Variants in EHBP1L1 observed in about 807,000 individuals in gnomAD.
The protein encoded by EHBP1L1 is EH domain-binding protein 1-like protein 1.
A neutral mutation model predicts 151.1 loss-of-function variants in EHBP1L1; 122 were observed. That is an observed-to-expected ratio of 0.81 (90% CI 0.70 to 0.94). EHBP1L1 has a LOEUF of 0.94. EHBP1L1 is among the 40% of genes least tolerant of loss of function. The pLI is 0.00. For missense variants in EHBP1L1, 1,941 were observed against 1,959.8 expected, an observed-to-expected ratio of 0.99 and a Z score of 0.18; for synonymous variants, 878 against 810.1, an observed-to-expected ratio of 1.08 and a Z score of -1.42.
intron 16 of EHBP1L1, chr11:65,591,571 G>A (rs1027251022): frequency 3.3e-6 from 2 of 605,100 alleles, no homozygotes; most frequent in South Asian, 1.9e-5. Flanking sequence ...GGTCCTTCTG[G>A]GGGGTGTGTG....
At position 65,585,085 on chromosome 11, in the gene EHBP1L1, G is replaced by C. The variant is rs899288597; in HGVS notation, c.3427G>C (p.Gly1143Arg). 1.3e-6 allele frequency: 2 copies of C among 1,535,780 alleles called. No homozygotes were observed. Among genetic ancestry groups the C allele is most frequent in the Non-Finnish European group, 1.7e-6 (2 of 1,149,666 alleles). The change falls in exon 12 of 19, where the codon GGG becomes CGG. Residue 1143 changes from glycine to arginine, a missense_variant. Transcript: ENST00000309295. The surrounding 1 kb of genome is among the most constrained non-coding windows in gnomAD (Gnocchi z 4.0). The stretch of plus-strand genomic sequence containing the variant: ...GTGCCAGATCCGCGCCTTCTGCACC[G>C]GGCAGGAGCTGCAGCTGGTACAACT... ...YLCQIRAFCT[G>R]QELQLVQLEG...
rs1490568779 is a variant in EHBP1L1, at chr11:65,582,897, A to G, written c.2225A>G (p.Glu742Gly). The G allele has an allele frequency of 6.2e-7, 1 of 1,613,590 alleles. No individual in the cohort carries two copies. The highest frequency in any genetic ancestry group is 1.1e-5 in the South Asian group (1 of 91,072). The change falls in exon 9 of 19, where the codon GAG becomes GGG. Residue 742 changes from glutamate (E) to glycine (G), a missense_variant. Physicochemically the swap from Glu to Gly is moderately conservative, Grantham distance 98. Transcript: ENST00000309295. The part of the protein sequence containing the change: ...RDSGVREIEA[E>G]IAESDILVAQ... The stretch of plus-strand genomic sequence containing the variant: ...TCAGGGGTCAGAGAGATAGAAGCAG[A>G]GATAGCAGAGTCTGACATATTGGTA...
In EHBP1L1 at chr11:65,590,479, C is replaced by G; in HGVS notation, c.4184-14C>G. On this transcript the variant is annotated splice_polypyrimidine_tract_variant and intron_variant, in intron 15 of 18. Transcript: ENST00000309295. ...GCAGGGGGCAGGCCTGGTGACTGTC[C>G]CTGTCCAATGCAGGTGCCAACAAGC... is the stretch of plus-strand genomic sequence containing the variant. 6.2e-7 allele frequency: 1 copy of G among 1,612,038 alleles called. No individual in the cohort carries two copies. The highest frequency in any genetic ancestry group is 8.5e-7 in the Non-Finnish European group (1 of 1,179,532).
rs1236676415 is a variant in EHBP1L1 at position 65,582,413 on chromosome 11, G to T, written c.1741G>T (p.Val581Leu). 1 of 1,610,046 alleles carries T rather than the reference G, an allele frequency of 6.2e-7. No homozygotes were observed. Among genetic ancestry groups the T allele is most frequent in the East Asian group, 2.2e-5 (1 of 44,880 alleles). The part of the protein sequence containing the change: ...ETETEVVGLE[V>L]LGTQEKEVEG... Reference sequence around the variant, plus strand: ...AGAGACTGAGGTGGTAGGGTTGGAGGTGCTGGGAACCCAGGAGAAAGAAGT... The same window carrying T: ...AGAGACTGAGGTGGTAGGGTTGGAGTTGCTGGGAACCCAGGAGAAAGAAGT... The change falls in exon 9 of 19, where the codon GTG becomes TTG. Residue 581 changes from valine (V) to leucine (L), a missense_variant. Physicochemically the swap from Val to Leu is conservative, Grantham distance 32. Coordinates refer to ENST00000309295, the MANE Select transcript of EHBP1L1 (RefSeq NM_001099409.3).
At chr11:65,590,667 A>G in intron 16 of EHBP1L1, 75 bp downstream of exon 16, 1 of 1,240,840 alleles carries the variant, frequency 8.1e-7, no homozygotes. Flanking sequence ...CTACTTTCTT[A>G]TTCCTACAGA....
chr11:65,592,155 G>T, intron 18 of EHBP1L1, 48 bp from the exon 19 acceptor site: 1 of 1,607,034 alleles, frequency 6.2e-7, no homozygotes, highest in Middle Eastern at 1.7e-4. Context: ...AGAGGGCTGC[G>T]TGTGGACCCC....
chr11:65,584,019 C>T (rs1366036029), intron 9 of EHBP1L1: 80 of 1,409,928 alleles, frequency 5.7e-5, no homozygotes, highest in Non-Finnish European at 7.0e-5. Context: ...CTGCTGGTGA[C>T]CTCTGATCTT....
At position 65,580,460 on chromosome 11, in the gene EHBP1L1, G is replaced by C. The variant is rs760015767; in HGVS notation, c.615G>C (p.Arg205=). 4.3e-6 allele frequency: 7 copies of C among 1,612,722 alleles called. No individual in the cohort carries two copies. The highest frequency in any genetic ancestry group is 5.1e-6 in the Non-Finnish European group (6 of 1,179,810). ...ATGGCCCAGGAGCCCCGGAGGCCCG[G>C]GCTCGAGTCCCCCAGCCAGGTGGGC... ...EAHGPGAPEA[R]ARVPQPDPSR... Residue 205 remains arginine, a synonymous_variant, in exon 6 of 19, where the codon CGG becomes CGC. Coordinates refer to ENST00000309295, the MANE Select transcript of EHBP1L1 (RefSeq NM_001099409.3).
Position 65,581,975 on chromosome 11 carries a change from G to A in EHBP1L1, c.1303G>A (p.Val435Met), listed in dbSNP as rs761468079. The A allele has an allele frequency of 1.8e-5, 29 of 1,613,818 alleles. No individual in the cohort carries two copies. The highest frequency in any genetic ancestry group is 2.5e-5 in the Non-Finnish European group (29 of 1,179,848). ...DAEQRSKVRHVDTKGPEATGV... is the reference protein window; with the variant it reads ...DAEQRSKVRHMDTKGPEATGV... ...TGAGCAGAGGTCAAAGGTGAGACAT[G>A]TGGACACTAAGGGACCAGAGGCGAC... is the stretch of plus-strand genomic sequence containing the variant. The change falls in exon 9 of 19, where the codon GTG (valine) becomes ATG (methionine). Residue 435 changes from valine (V) to methionine (M), a missense_variant. Val to Met is a conservative substitution (Grantham distance 21). Transcript: ENST00000309295.
In EHBP1L1 at chr11:65,592,020, C is replaced by T; in HGVS notation, c.4402C>T (p.Leu1468=). The change falls in exon 18 of 19, where the codon CTG becomes TTG. Residue 1468 remains leucine, a synonymous_variant. Coordinates refer to ENST00000309295, the MANE Select transcript of EHBP1L1 (RefSeq NM_001099409.3). The part of the protein sequence containing the change: ...SAQQHREQLL[L]EELVSLVNQR... ...TCAGCAGCACCGAGAGCAGCTCCTACTGGAGGAGCTGGTGTCGCTGGTGAA... is the reference window on the plus strand; with the variant it reads ...TCAGCAGCACCGAGAGCAGCTCCTATTGGAGGAGCTGGTGTCGCTGGTGAA... 1 of 1,613,458 alleles carries T rather than the reference C, an allele frequency of 6.2e-7. No individual in the cohort carries two copies. The highest frequency in any genetic ancestry group is 8.5e-7 in the Non-Finnish European group (1 of 1,179,696).
At position 65,580,896 on chromosome 11, in the gene EHBP1L1, C is replaced by T. The variant is rs1590816973; in HGVS notation, c.635-162C>T. On this transcript the variant is annotated intron_variant, in intron 6 of 18. Transcript: ENST00000309295. Reference sequence around the variant, plus strand: ...CTGTTGAGGTTCTCTCTCTCTTTCTCTCCACATCTGTGGGCCTGTCTCTTC... The same window carrying T: ...CTGTTGAGGTTCTCTCTCTCTTTCTTTCCACATCTGTGGGCCTGTCTCTTC... The T allele has an allele frequency of 3.5e-6, 5 of 1,428,032 alleles. No individual in the cohort carries two copies. In the East Asian group the frequency reaches 1.0e-4, roughly 29 times the overall value. 88.5% of individuals were successfully genotyped at this position (1,428,032 alleles called of 1,614,324 possible). A position where few individuals can be genotyped will look rare whatever the true frequency, so the allele number is the denominator to read the frequency against.
rs769263671 is a variant in EHBP1L1 at position 65,585,578 on chromosome 11, G to A, written c.3920G>A (p.Gly1307Glu). The change falls in exon 12 of 19, where the codon GGA becomes GAA. Residue 1307 changes from glycine to glutamate, a missense_variant. By Grantham distance (98) the Gly-to-Glu change is moderately conservative (BLOSUM62 -2). Transcript: ENST00000309295. The surrounding 1 kb of genome is among the most constrained non-coding windows in gnomAD (Gnocchi z 4.0). ...SMDDPDAGAM[G>E]AAAAEGQAPD... ...GACGATCCGGACGCGGGAGCCATGG[G>A]AGCTGCGGCTGCAGTGAGTGTCAAG... is the stretch of plus-strand genomic sequence containing the variant. 6.3e-6 allele frequency: 10 copies of A among 1,578,960 alleles called. No individual in the cohort carries two copies. Among genetic ancestry groups the A allele is most frequent in the Non-Finnish European group, 7.7e-6 (9 of 1,170,150 alleles).
intron 1 of EHBP1L1, 84 bp from the exon 2 acceptor site, chr11:65,578,994 G>C: frequency 7.4e-7 from 1 of 1,343,410 alleles, no homozygotes. Flanking sequence ...AGGGAGCTGG[G>C]GGAGGAGGAA....
Position 65,580,201 on chromosome 11 carries a change from G to A in EHBP1L1, c.433G>A (p.Val145Met), listed in dbSNP as rs1357354774. 6.2e-7 allele frequency: 1 copy of A among 1,613,618 alleles called. No homozygotes were observed. The highest frequency in any genetic ancestry group is 8.5e-7 in the Non-Finnish European group (1 of 1,179,844). Residue 145 changes from valine to methionine, a missense_variant, in exon 5 of 19, where the codon GTG (valine) becomes ATG (methionine). By Grantham distance (21) the Val-to-Met change is conservative. Transcript: ENST00000309295. ...GCTGAAGCCAAAGTCAGTGAAGGTG[G>A]TGCAGGCTGAGCTGAGCCTCACTCT... Reference protein sequence around the residue: ...LRLKPKSVKVVQAELSLTLSG... With the variant: ...LRLKPKSVKVMQAELSLTLSG...
intron 2 of EHBP1L1, 30 bp from the exon 3 acceptor site, chr11:65,579,311 T>A: frequency 6.7e-7 from 1 of 1,487,970 alleles, no homozygotes; most frequent in Non-Finnish European, 9.0e-7. Flanking sequence ...AGAGTTAAGA[T>A]GGGGGGAGGA....
chr11:65,586,948 G>A (rs1048853818), intron 12 of EHBP1L1, among the ~76,000 whole-genome samples: 8 of 152,192 alleles, frequency 5.3e-5, no homozygotes, highest in Admixed American at 3.3e-4. Context: ...GGGCTGGAGG[G>A]GACTCCTCAT....
chr11:65,581,407 C>T, intron 8 of EHBP1L1, 34 bp downstream of exon 8: 3 of 1,500,546 alleles, frequency 2.0e-6, no homozygotes, highest in Non-Finnish European at 2.7e-6. Context: ...CCCCCATTGC[C>T]CCCTGATAGG....
At position 65,583,166 on chromosome 11, in the gene EHBP1L1, C is replaced by A. The variant is rs1188223341; in HGVS notation, c.2494C>A (p.Pro832Thr). Residue 832 changes from proline (P) to threonine (T), a missense_variant, in exon 9 of 19, where the codon CCA becomes ACA. Physicochemically the swap from Pro to Thr is conservative, Grantham distance 38. Coordinates refer to ENST00000309295, the MANE Select transcript of EHBP1L1 (RefSeq NM_001099409.3). Reference protein sequence around the residue: ...QEIASRSSGVPGLESEVAGAQ... With the variant: ...QEIASRSSGVTGLESEVAGAQ... ...GATAGCATCTAGGAGTTCAGGGGTC[C>A]CAGGGCTAGAATCTGAGGTAGCTGG... 9 of 1,612,810 alleles carry A rather than the reference C, an allele frequency of 5.6e-6. No individual in the cohort carries two copies. The highest frequency in any genetic ancestry group is 7.6e-6 in the Non-Finnish European group (9 of 1,179,636).
In EHBP1L1 at chr11:65,582,818, G is replaced by T. The variant is rs760880332; in HGVS notation, c.2146G>T (p.Ala716Ser). The T allele has an allele frequency of 1.9e-6, 3 of 1,613,590 alleles. No homozygotes were observed. In the South Asian group the frequency reaches 3.3e-5, roughly 18 times the overall value. ...VEASRVPESEAEGTEAKILGT... is the reference protein window; with the variant it reads ...VEASRVPESESEGTEAKILGT... Reference sequence around the variant, plus strand: ...AGCTTCTAGGGTACCAGAGTCAGAGGCTGAGGGGACAGAAGCTAAAATATT... The same window carrying T: ...AGCTTCTAGGGTACCAGAGTCAGAGTCTGAGGGGACAGAAGCTAAAATATT... Residue 716 changes from alanine (A) to serine (S), a missense_variant, in exon 9 of 19, where the codon GCT becomes TCT. Ala to Ser is a moderately conservative substitution (Grantham distance 99). Transcript: ENST00000309295.
Sources: allele counts gnomAD v4.1 joint callset (sites outside exome capture counted in the v4.1 genomes callset), GRCh38; gene constraint gnomAD v4.1.1; non-coding constraint Gnocchi (gnomAD v3.1); transcripts MANE v1.5; gene names NCBI Gene and HGNC (gene_info 2026-07-23, HGNC 2026-07-21).